The following SAG variants were observed in gnomAD, a reference collection of about 807,000 sequenced individuals.
The protein encoded by SAG is S-arrestin.
SAG carries 45 observed loss-of-function variants against 55.0 expected under a neutral mutation model. The ratio of observed to expected loss-of-function variants is 0.82; its 90% CI spans 0.64 to 1.05. The LOEUF (loss-of-function observed/expected upper bound fraction) is 1.05. Ranked by LOEUF, SAG falls within the 50% of genes least tolerant of loss-of-function variation. The pLI, the probability that SAG is intolerant of heterozygous loss-of-function variation, is 0.00. For missense variants in SAG, 455 were observed against 512.1 expected (o/e 0.89, Z 1.08); for synonymous variants, 189 against 197.4 (o/e 0.96, Z 0.36).
rs1701011202 is a variant in SAG, at chr2:233,338,730, C to A, written c.999C>A (p.Ile333=). The A allele has an allele frequency of 6.2e-7, 1 of 1,613,814 alleles. No homozygotes were observed. The highest frequency in any genetic ancestry group is 8.5e-7 in the Non-Finnish European group (1 of 1,179,854). The change falls in exon 12 of 16, where the codon ATC becomes ATA. Residue 333 remains isoleucine, a synonymous_variant. Coordinates refer to ENST00000409110, the MANE Select transcript of SAG (RefSeq NM_000541.5). ...TGGGAATCCTGGTGTCTTACCAGATCAAGGTGAAGCTCACAGTGTCAGGGT... is the reference window on the plus strand; with the variant it reads ...TGGGAATCCTGGTGTCTTACCAGATAAAGGTGAAGCTCACAGTGTCAGGGT... ...TVLGILVSYQ[I]KVKLTVSGFL...
chr2:233,330,778 C>T (rs1435601587), intron 9 of SAG, among the ~76,000 whole-genome samples: 5 of 152,052 alleles, frequency 3.3e-5, no homozygotes, highest in Non-Finnish European at 4.4e-5. Context: ...GTGATCCATC[C>T]GCCTCAGCCT....
chr2:233,328,453 G>A lies in SAG; in HGVS notation c.513-25G>A, dbSNP rs148894845. On this transcript the variant is annotated intron_variant, in intron 7 of 15. Transcript: ENST00000409110. ...AAAGCGGCCTGGGTGCCAATCCCTG[G>A]CTTGTCTGTGGCTGTTTCCCACAGG... 26 of 1,606,800 alleles carry A rather than the reference G, an allele frequency of 1.6e-5. No homozygotes were observed. The African/African-American group carries it at 2.5e-4, about 16-fold the overall frequency.
chr2:233,342,497 G>A (rs1458991518), intron 14 of SAG, 171 bp downstream of exon 14: 8 of 647,628 alleles, frequency 1.2e-5, no homozygotes, highest in Non-Finnish European at 1.9e-5. Flanking sequence ...GGGCCCATCT[G>A]TTCAGCGCTG....
At position 233,320,629 on chromosome 2, in the gene SAG, G is replaced by A; in HGVS notation, c.182-1G>A. 1.3e-6 allele frequency: 2 copies of A among 1,588,614 alleles called. No individual in the cohort carries two copies. Among genetic ancestry groups the A allele is most frequent in the Non-Finnish European group, 1.7e-6 (2 of 1,168,684 alleles). ...CGACCCTGCCTTCATCTCCCTTGCA[G>A]TGTATGTCACTCTGACCTGCGCCTT... On this transcript the variant is annotated splice_acceptor_variant, in intron 4 of 15. Coordinates refer to ENST00000409110, the MANE Select transcript of SAG (RefSeq NM_000541.5). LOFTEE classifies it high-confidence loss of function.
chr2:233,321,081 A>G (rs921690678), intron 5 of SAG, among the ~76,000 whole-genome samples: 1 of 152,206 alleles, frequency 6.6e-6, no homozygotes, highest in Non-Finnish European at 1.5e-5. Flanking sequence ...TTACATGAGC[A>G]CGTGTTATTC....
In SAG at chr2:233,335,070, C is replaced by T. The variant is rs745813550; in HGVS notation, c.915C>T (p.His305=). 7.6e-5 allele frequency: 122 copies of T among 1,613,882 alleles called. No individual in the cohort carries two copies. In the South Asian group the frequency reaches 1.0e-3, roughly 14 times the overall value. Residue 305 remains histidine, a synonymous_variant, in exon 11 of 16, where the codon CAC becomes CAT. Transcript: ENST00000409110. ...RGIALDGKIK[H]EDTNLASSTI... ...TTGCCCTGGATGGGAAAATCAAGCACGAGGACACAAACCTTGCCTCCAGCA... is the reference window on the plus strand; with the variant it reads ...TTGCCCTGGATGGGAAAATCAAGCATGAGGACACAAACCTTGCCTCCAGCA...
intron 6 of SAG, among the ~76,000 whole-genome samples, chr2:233,324,065 C>T (rs1700470627): frequency 6.6e-6 from 1 of 152,124 alleles, no homozygotes; most frequent in East Asian, 1.9e-4. Flanking sequence ...GTTCCGGGGG[C>T]AGTGAGGAGG....
At position 233,340,479 on chromosome 2, in the gene SAG, G is replaced by GTAAGCC; in HGVS notation, c.1046+3_1046+8dup. 1 of 1,610,106 alleles carries GTAAGCC rather than the reference G, an allele frequency of 6.2e-7. No homozygotes were observed. Among genetic ancestry groups the GTAAGCC allele is most frequent in the East Asian group, 2.2e-5 (1 of 44,824 alleles). On this transcript the variant is annotated splice_donor_variant, in intron 13 of 15. Coordinates refer to ENST00000409110, the MANE Select transcript of SAG (RefSeq NM_000541.5). LOFTEE classifies it high-confidence loss of function. This position sits in a 1 kb window ranked among gnomAD's most constrained non-coding sequence, Gnocchi z 4.2. Reference sequence around the variant, plus strand: ...GCTTTCTGGGAGAGCTCACCTCCAGGTAAGCCTGTTCACCTTCCTTGTTTG... The same window carrying GTAAGCC: ...GCTTTCTGGGAGAGCTCACCTCCAGGTAAGCCTAAGCCTGTTCACCTTCCTTGTTTG...
intron 2 of SAG, among the ~76,000 whole-genome samples, chr2:233,310,506 CTT>C (rs967605903): frequency 6.1e-5 from 7 of 115,400 alleles, no homozygotes; most frequent in African/African-American, 1.9e-4. Flanking sequence ...ATCATTCTGG[CTT>C]TTTTTTTTTT....
At chr2:233,324,658 C>T (rs894763956) in intron 6 of SAG, among the ~76,000 whole-genome samples, 3 of 151,936 alleles carry the variant, frequency 2.0e-5, no homozygotes, top group Admixed American at 6.6e-5. Context: ...GTCAGGTGGA[C>T]GGGGCTCCAG....
At chr2:233,346,729 C>G in intron 15 of SAG, 78 bp from the exon 16 acceptor site, 1 of 1,018,372 alleles carries the variant, frequency 9.8e-7, no homozygotes, top group South Asian at 1.4e-5. Flanking sequence ...TCCTTCGTTG[C>G]AAAAAGATCA....
chr2:233,317,024 G>C (rs909818856), intron 3 of SAG, among the ~76,000 whole-genome samples: 2 of 152,124 alleles, frequency 1.3e-5, no homozygotes, highest in Non-Finnish European at 2.9e-5. Context: ...ACCACGCCTG[G>C]CTAATTTTTG....
chr2:233,309,900 T>A (rs1700030375), intron 2 of SAG, among the ~76,000 whole-genome samples: 1 of 152,232 alleles, frequency 6.6e-6, no homozygotes. Flanking sequence ...AAACACAGTT[T>A]TGTCAGTACC....
intron 13 of SAG, among the ~76,000 whole-genome samples, chr2:233,341,746 A>G (rs1037556386): frequency 6.6e-6 from 1 of 152,194 alleles, no homozygotes; most frequent in African/African-American, 2.4e-5. Context: ...TTTTTGGGTA[A>G]TAAAGATGTT....
At position 233,309,267 on chromosome 2, in the gene SAG, G is replaced by A. The variant is rs1463034705; in HGVS notation, c.75+3G>A. 1.9e-6 allele frequency: 3 copies of A among 1,611,134 alleles called. No homozygotes were observed. Among genetic ancestry groups the A allele is most frequent in the Non-Finnish European group, 2.5e-6 (3 of 1,177,572 alleles). ...AGAAGATCTCCCGGGACAAATCGGT[G>A]AGTGGTGCACAAGTGAGTGATTTGA... On this transcript the variant is annotated splice_donor_region_variant and intron_variant, in intron 2 of 15. Transcript: ENST00000409110.
chr2:233,310,342 A>G (rs542855164), intron 2 of SAG, among the ~76,000 whole-genome samples: 1 of 152,196 alleles, frequency 6.6e-6, no homozygotes, highest in Non-Finnish European at 1.5e-5. Context: ...TATCCAAAAA[A>G]CTATCAGTTC....
chr2:233,311,293 C>G (rs1574924785), intron 2 of SAG, among the ~76,000 whole-genome samples: 2 of 152,148 alleles, frequency 1.3e-5, no homozygotes, highest in South Asian at 2.1e-4. Flanking sequence ...AAATGACTGC[C>G]CCTGCTCCTG....
At chr2:233,312,552 T>C (rs1700103124) in intron 2 of SAG, among the ~76,000 whole-genome samples, 1 of 152,224 alleles carries the variant, frequency 6.6e-6, no homozygotes, top group Admixed American at 6.5e-5. Flanking sequence ...CTTTCCTAAA[T>C]ACTGTTTAAT....
intron 6 of SAG, among the ~76,000 whole-genome samples, chr2:233,324,163 G>A (rs1229127833): frequency 6.6e-6 from 1 of 152,164 alleles, no homozygotes; most frequent in Non-Finnish European, 1.5e-5. Flanking sequence ...TTGGGAGGCT[G>A]AGGTGGGCGG....
Sources: gnomAD v4.1 joint callset for allele counts (sites outside exome capture counted in the v4.1 genomes callset) on GRCh38, gnomAD v4.1.1 for gene constraint, Gnocchi (gnomAD v3.1) non-coding constraint, MANE v1.5 for transcripts, NCBI Gene and HGNC (gene_info 2026-07-23, HGNC 2026-07-21) for gene names.